The following ROPN1L variants were observed in gnomAD, a reference collection of about 807,000 sequenced individuals.
ROPN1L encodes the protein rhophilin associated tail protein 1 like.
In ROPN1L, 23 loss-of-function variants were observed where a neutral mutation model predicts 22.7. That is an observed-to-expected ratio of 1.01 (90% CI 0.73 to 1.43). ROPN1L has a LOEUF of 1.43. Ranked by LOEUF, ROPN1L falls within the 40% of genes most tolerant of loss-of-function variation. The probability of loss-of-function intolerance (pLI) is 0.00; values close to 1 mark genes in which losing one functional copy is unlikely to be tolerated. For missense variants in ROPN1L, 271 were observed against 291.5 expected, an observed-to-expected ratio of 0.93 and a Z score of 0.51; for synonymous variants, 116 against 117.8, an observed-to-expected ratio of 0.98 and a Z score of 0.10.
intron 3 of ROPN1L, among the ~76,000 whole-genome samples, chr5:10,459,036 C>T (rs978797987): frequency 2.0e-5 from 3 of 149,562 alleles, no homozygotes; most frequent in Non-Finnish European, 4.5e-5. Flanking sequence ...GCTAGGCCTA[C>T]TAAGTAGCCA....
intron 3 of ROPN1L, among the ~76,000 whole-genome samples, chr5:10,452,635 G>A (rs1386911565): frequency 6.6e-6 from 1 of 152,054 alleles, no homozygotes; most frequent in African/African-American, 2.4e-5. Flanking sequence ...ACTGCACCCG[G>A]CCCTGAAATC....
At chr5:10,455,313 C>A (rs1741383131) in intron 3 of ROPN1L, among the ~76,000 whole-genome samples, 2 of 152,186 alleles carry the variant, frequency 1.3e-5, no homozygotes, top group African/African-American at 2.4e-5. Flanking sequence ...CGGAAGTGAC[C>A]AAGAAAGGCC....
Position 10,442,065 on chromosome 5 carries a change from A to T in ROPN1L, c.-103A>T. ...CGGGATGGGAGGCGGCCCTGGCCGCAAGCCCCGCGCTGCTAGCGGGTCCAC... is the reference window on the plus strand; with the variant it reads ...CGGGATGGGAGGCGGCCCTGGCCGCTAGCCCCGCGCTGCTAGCGGGTCCAC... On this transcript the variant is annotated 5_prime_UTR_variant, in exon 1 of 5. An upstream open reading frame in the 5' UTR gains an earlier in-frame stop. Coordinates refer to ENST00000274134, the MANE Select transcript of ROPN1L (RefSeq NM_031916.5). The T allele has an allele frequency of 1.3e-6, 2 of 1,499,412 alleles. No homozygotes were observed. The highest frequency in any genetic ancestry group is 1.3e-5 in the South Asian group (1 of 79,566). 92.9% of individuals were successfully genotyped at this position (1,499,412 alleles called of 1,614,324 possible).
chr5:10,467,534 A>G (rs184925014), downstream of ROPN1L, among the ~76,000 whole-genome samples: 1 of 152,310 alleles, frequency 6.6e-6, no homozygotes, highest in Non-Finnish European at 1.5e-5. Flanking sequence ...GGATGTGGTC[A>G]TTACTGAATC....
intron 3 of ROPN1L, among the ~76,000 whole-genome samples, chr5:10,453,743 C>T (rs751335578): frequency 2.0e-5 from 3 of 152,116 alleles, no homozygotes; most frequent in Non-Finnish European, 4.4e-5. Flanking sequence ...TCAAATTCAT[C>T]GAGTTGAAGA....
At position 10,464,916 on chromosome 5, in the gene ROPN1L, G is replaced by C. The variant is rs1219713472; in HGVS notation, c.662G>C (p.Ser221Thr). 6.2e-7 allele frequency: 1 copy of C among 1,606,058 alleles called. No individual in the cohort carries two copies. The highest frequency in any genetic ancestry group is 1.3e-5 in the African/African-American group (1 of 74,654). ...TTTCCAAAGAGGAAACTTTTAGAAAGCATTGAAAACTCTGAAGATGTAGGC... is the reference window on the plus strand; with the variant it reads ...TTTCCAAAGAGGAAACTTTTAGAAACCATTGAAAACTCTGAAGATGTAGGC... ...FFFPKRKLLE[S>T]IENSEDVGH The change falls in exon 5 of 5, where the codon AGC (serine) becomes ACC (threonine). Residue 221 changes from serine to threonine, a missense_variant. Ser to Thr is a moderately conservative substitution (Grantham distance 58). Transcript: ENST00000274134.
chr5:10,470,217 C>G (rs1208837299), intron 4 of ROPN1L, among the ~76,000 whole-genome samples: 1 of 152,218 alleles, frequency 6.6e-6, no homozygotes, highest in African/African-American at 2.4e-5. Flanking sequence ...GAAATGTGTT[C>G]AGGTCCCCCG....
chr5:10,475,719 T>C (rs1303562954), downstream of ROPN1L, among the ~76,000 whole-genome samples: 8 of 152,238 alleles, frequency 5.3e-5, no homozygotes, highest in Non-Finnish European at 1.2e-4. Context: ...GTATGGGATT[T>C]GGGGAGGATT....
chr5:10,450,784 G>A (rs1272191410), intron 3 of ROPN1L, among the ~76,000 whole-genome samples: 5 of 152,306 alleles, frequency 3.3e-5, no homozygotes, highest in East Asian at 1.9e-4. Flanking sequence ...GATTACAGGC[G>A]TGAGCCACCG....
At chr5:10,472,648 G>A (rs946535389), downstream of ROPN1L, among the ~76,000 whole-genome samples, 2 of 152,114 alleles carry the variant, frequency 1.3e-5, no homozygotes, top group Non-Finnish European at 2.9e-5. Context: ...ATTTCATCTA[G>A]CTCAACCCCA....
chr5:10,442,908 A>G (rs918809316), intron 1 of ROPN1L, among the ~76,000 whole-genome samples: 3 of 152,258 alleles, frequency 2.0e-5, no homozygotes, highest in African/African-American at 4.8e-5. Flanking sequence ...GTTACAAGTC[A>G]ACAGATCTTA....
the ROPN1L span, among the ~76,000 whole-genome samples, chr5:10,481,715 G>T: frequency 1.3e-5 from 2 of 152,230 alleles, no homozygotes; most frequent in African/African-American, 4.8e-5. Flanking sequence ...GGTGGATGCT[G>T]CCGCGCAGTG....
At chr5:10,451,307 C>T (rs968631210) in intron 3 of ROPN1L, among the ~76,000 whole-genome samples, 1 of 152,194 alleles carries the variant, frequency 6.6e-6, no homozygotes, top group African/African-American at 2.4e-5. Context: ...GCCACTAATG[C>T]ACCAACAGTC....
chr5:10,467,254 T>A (rs1735170096), downstream of ROPN1L, among the ~76,000 whole-genome samples: 1 of 142,404 alleles, frequency 7.0e-6, no homozygotes, highest in Admixed American at 7.2e-5. Flanking sequence ...GCTCTACAGG[T>A]ATAAAAAGAA....
chr5:10,480,586 C>T, the ROPN1L span, among the ~76,000 whole-genome samples: 30 of 152,216 alleles, frequency 2.0e-4, no homozygotes, highest in East Asian at 5.8e-3. Flanking sequence ...CTCCCCTCCC[C>T]ATCCTCCAGG....
At chr5:10,448,031 C>A (rs917701510) in intron 1 of ROPN1L, among the ~76,000 whole-genome samples, 2 of 152,220 alleles carry the variant, frequency 1.3e-5, no homozygotes, top group African/African-American at 4.8e-5. Flanking sequence ...TGCTCCCCAA[C>A]CCTCCAACAG....
intron 3 of ROPN1L, among the ~76,000 whole-genome samples, chr5:10,457,607 AGGACAGC>A (rs1409674441): frequency 6.6e-6 from 1 of 152,172 alleles, no homozygotes; most frequent in Non-Finnish European, 1.5e-5. Context: ...CTCCCAGAGG[AGGACAGC>A]GGGCTGTGTT....
chr5:10,465,550 C>CA (rs1179219259), downstream of ROPN1L, among the ~76,000 whole-genome samples: 1 of 149,264 alleles, frequency 6.7e-6, no homozygotes, highest in Non-Finnish European at 1.5e-5. Flanking sequence ...AACGAACAAA[C>CA]AAAAAAAGGG....
At chr5:10,449,364 C>T (rs1431273064) in intron 2 of ROPN1L, among the ~76,000 whole-genome samples, 2 of 151,930 alleles carry the variant, frequency 1.3e-5, no homozygotes, top group Non-Finnish European at 2.9e-5. Flanking sequence ...AATAAAAATA[C>T]AAAACTTAAC....
Sources: gnomAD v4.1 joint callset for allele counts (sites outside exome capture counted in the v4.1 genomes callset) on GRCh38, gnomAD v4.1.1 for gene constraint, MANE v1.5 for transcripts, NCBI Gene and HGNC (gene_info 2026-07-23, HGNC 2026-07-21) for gene names.